EYS: variants seen among roughly 807,000 people sequenced by gnomAD.
EYS encodes EGF-like photoreceptor maintenance factor, also known as protein eyes shut homolog.
In EYS, 250 loss-of-function variants were observed where a neutral mutation model predicts 282.1. The ratio of observed to expected loss-of-function variants is 0.89; its 90% CI spans 0.80 to 0.98. The LOEUF (loss-of-function observed/expected upper bound fraction) is 0.98. EYS is among the 50% of genes least tolerant of loss of function. The pLI is 0.00. For missense variants in EYS, 4,016 were observed against 3,709.0 expected (o/e 1.08, Z -2.15); for synonymous variants, 1,355 against 1,282.9 (o/e 1.06, Z -1.20).
chr6:64,375,420 G>T (rs1024239067), intron 29 of EYS, among the ~76,000 whole-genome samples: 4 of 152,352 alleles, frequency 2.6e-5, no homozygotes, highest in Admixed American at 6.5e-5. Flanking sequence ...CTTAAGGACA[G>T]TGTGAAATTT....
chr6:65,633,889 G>A (rs563682219), intron 2 of EYS, among the ~76,000 whole-genome samples: 1 of 152,332 alleles, frequency 6.6e-6, no homozygotes, highest in East Asian at 1.9e-4. Context: ...AAGTAGTTGG[G>A]AGAAAGGTCA....
At chr6:64,553,878 A>G (rs987757929) in intron 26 of EYS, among the ~76,000 whole-genome samples, 3 of 152,098 alleles carry the variant, frequency 2.0e-5, no homozygotes, top group African/African-American at 7.2e-5. Context: ...TCCTATACAT[A>G]TACTGTATGT....
chr6:65,058,633 A>T (rs1214224054), intron 12 of EYS, among the ~76,000 whole-genome samples: 1 of 150,812 alleles, frequency 6.6e-6, no homozygotes, highest in African/African-American at 2.4e-5. Context: ...AAAACAAATA[A>T]ATGTCCATTA....
intron 12 of EYS, among the ~76,000 whole-genome samples, chr6:65,073,144 C>T (rs1773948054): frequency 6.6e-6 from 1 of 151,492 alleles, no homozygotes; most frequent in Non-Finnish European, 1.5e-5. Context: ...AAAACTAATA[C>T]CCTTTGGGCA....
At chr6:65,614,702 C>T (rs7758274) in intron 2 of EYS, among the ~76,000 whole-genome samples, 68 of 151,894 alleles carry the variant, frequency 4.5e-4, no homozygotes, top group African/African-American at 1.6e-3. Flanking sequence ...GCATCAATTA[C>T]AGCAAATAAA....
chr6:65,408,698 A>G (rs762923932), intron 5 of EYS, among the ~76,000 whole-genome samples: 7 of 152,076 alleles, frequency 4.6e-5, no homozygotes, highest in Non-Finnish European at 7.4e-5. Context: ...GATTTTCTCT[A>G]AGAAGTTTTA....
At chr6:64,349,356 G>A (rs995519548) in intron 29 of EYS, among the ~76,000 whole-genome samples, 4 of 151,066 alleles carry the variant, frequency 2.6e-5, no homozygotes, top group African/African-American at 9.7e-5. Flanking sequence ...TATTTAAGAG[G>A]TGCTAATTGT....
At chr6:65,171,203 T>C (rs778401213) in intron 12 of EYS, among the ~76,000 whole-genome samples, 3 of 151,438 alleles carry the variant, frequency 2.0e-5, no homozygotes, top group Non-Finnish European at 3.0e-5. Flanking sequence ...CTGAAAACAC[T>C]GTTGAGATAT....
intron 13 of EYS, among the ~76,000 whole-genome samples, chr6:65,040,116 G>A (rs1240765894): frequency 2.6e-5 from 4 of 151,564 alleles, no homozygotes; most frequent in Non-Finnish European, 5.9e-5. Context: ...ATGAGACTTC[G>A]TTACTCATTG....
At chr6:65,548,539 T>C (rs1031663253) in intron 2 of EYS, among the ~76,000 whole-genome samples, 1 of 152,232 alleles carries the variant, frequency 6.6e-6, no homozygotes, top group African/African-American at 2.4e-5. Flanking sequence ...AACTATCCAA[T>C]GGAAGTTTCC....
rs142735953 is a variant in EYS, at chr6:63,748,902, G to T, written c.8071+13559C>A. Among the ~76,000 whole-genome samples, 587 of 151,824 alleles carry T rather than the reference G, an allele frequency of 3.9e-3. 3 individuals are homozygous for T. Among genetic ancestry groups the T allele is most frequent in the African/African-American group, 0.012 (510 of 41,434 alleles). Reference sequence around the variant, plus strand: ...TTTCTTCTTTATTGGTCTAGCTAGTGGTCTATTTTATTTTATTTTTTCAAA... The same window carrying T: ...TTTCTTCTTTATTGGTCTAGCTAGTTGTCTATTTTATTTTATTTTTTCAAA... On this transcript the variant is annotated intron_variant, in intron 41 of 42. Transcript: ENST00000503581.
chr6:64,179,722 A>G (rs1250621947), intron 31 of EYS, among the ~76,000 whole-genome samples: 1 of 152,048 alleles, frequency 6.6e-6, no homozygotes, highest in Non-Finnish European at 1.5e-5. Flanking sequence ...TCTTATTCCT[A>G]TACACTTCAT....
At chr6:63,816,701 G>A (rs1326421688) in intron 36 of EYS, among the ~76,000 whole-genome samples, 1 of 152,122 alleles carries the variant, frequency 6.6e-6, no homozygotes, top group Non-Finnish European at 1.5e-5. Context: ...GCAAATCTTG[G>A]GGAGATTATC....
At chr6:65,642,180 A>C (rs1767298363) in intron 1 of EYS, among the ~76,000 whole-genome samples, 5 of 152,076 alleles carry the variant, frequency 3.3e-5, no homozygotes, top group Non-Finnish European at 7.4e-5. Context: ...GCTCTCCCTG[A>C]TGATTTCAAT....
chr6:64,259,634 G>A (rs1767515437), intron 30 of EYS, among the ~76,000 whole-genome samples: 1 of 133,392 alleles, frequency 7.5e-6, no homozygotes, highest in South Asian at 2.5e-4. Flanking sequence ...CTCTCTCCCA[G>A]TACTTTTACA....
intron 35 of EYS, among the ~76,000 whole-genome samples, chr6:63,956,339 G>A (rs1765820101): frequency 6.6e-6 from 1 of 151,964 alleles, no homozygotes. Flanking sequence ...GCCCCTGCCT[G>A]CCAGAAACAA....
At chr6:64,841,109 C>G (rs938204501) in intron 19 of EYS, among the ~76,000 whole-genome samples, 1 of 151,902 alleles carries the variant, frequency 6.6e-6, no homozygotes, top group Admixed American at 6.6e-5. Flanking sequence ...TTTTATGTAC[C>G]TGTGTCTAAT....
intron 24 of EYS, among the ~76,000 whole-genome samples, chr6:64,604,134 T>A (rs1333682785): frequency 1.3e-5 from 2 of 152,094 alleles, no homozygotes; most frequent in African/African-American, 4.8e-5. Context: ...GAATAATTCA[T>A]CTATAATGGC....
intron 22 of EYS, among the ~76,000 whole-genome samples, chr6:64,702,766 T>C (rs1770835265): frequency 6.6e-6 from 1 of 152,158 alleles, no homozygotes; most frequent in South Asian, 2.1e-4. Context: ...CTCTGTACTA[T>C]GCACTGTGAA....
Sources: gnomAD v4.1 joint callset for allele counts (sites outside exome capture counted in the v4.1 genomes callset) on GRCh38, gnomAD v4.1.1 for gene constraint, MANE v1.5 for transcripts, NCBI Gene and HGNC (gene_info 2026-07-23, HGNC 2026-07-21) for gene names.